The following COLGALT2 variants were observed in gnomAD, a reference collection of about 807,000 sequenced individuals.
The protein encoded by COLGALT2 is collagen beta(1-O)galactosyltransferase 2, also known as procollagen galactosyltransferase 2.
Under a neutral mutation model 73.4 loss-of-function variants are expected in COLGALT2, and 49 were observed. That is an observed-to-expected ratio of 0.67 (90% CI 0.53 to 0.85). The LOEUF (loss-of-function observed/expected upper bound fraction) is 0.85. Among genes scored for constraint, COLGALT2 ranks in the 40% least tolerant of loss-of-function variants. The pLI is 0.00. For missense variants in COLGALT2, 722 were observed against 790.2 expected, an observed-to-expected ratio of 0.91 and a Z score of 1.03; for synonymous variants, 295 against 307.6, an observed-to-expected ratio of 0.96 and a Z score of 0.43.
intron 1 of COLGALT2, among the ~76,000 whole-genome samples, chr1:184,029,188 C>T (rs1178305738): frequency 1.3e-5 from 2 of 152,216 alleles, no homozygotes; most frequent in Non-Finnish European, 2.9e-5. Context: ...ATTACAGCCA[C>T]TCTATTTATA....
chr1:183,936,249 T>C lies in COLGALT2; in HGVS notation c.*2512A>G, dbSNP rs897736693. ...GGTCAAATGTCTTGGCTTAGGACTA[T>C]AAGGGAGAGATAGGACAAATAATGA... is the stretch of plus-strand genomic sequence containing the variant. On this transcript the variant is annotated 3_prime_UTR_variant, in exon 12 of 12. Coordinates refer to ENST00000361927, the MANE Select transcript of COLGALT2 (RefSeq NM_015101.4). 1.0e-5 allele frequency: 10 copies of C among 985,552 alleles called. No homozygotes were observed. The highest frequency in any genetic ancestry group is 1.2e-5 in the Non-Finnish European group (10 of 829,940). 61.1% of individuals were successfully genotyped at this position (985,552 alleles called of 1,614,324 possible). A position where few individuals can be genotyped will look rare whatever the true frequency, so the allele number is the denominator to read the frequency against.
intron 1 of COLGALT2, among the ~76,000 whole-genome samples, chr1:183,981,500 A>C (rs1455713996): frequency 4.6e-5 from 7 of 151,628 alleles, no homozygotes; most frequent in African/African-American, 1.7e-4. Flanking sequence ...AAAAAAAAAA[A>C]AAAACATTAG....
intron 3 of COLGALT2, 87 bp downstream of exon 3, chr1:183,975,010 G>T: frequency 1.1e-6 from 1 of 906,504 alleles, no homozygotes; most frequent in South Asian, 1.7e-5. Flanking sequence ...AGGTTGTTTT[G>T]ATTGCTTCCA....
At chr1:183,957,395 T>C (rs1670582008) in intron 6 of COLGALT2, among the ~76,000 whole-genome samples, 1 of 152,134 alleles carries the variant, frequency 6.6e-6, no homozygotes, top group African/African-American at 2.4e-5. Context: ...TGGCCACTGG[T>C]ATTAGCCAAC....
chr1:183,944,387 A>C, intron 9 of COLGALT2, 64 bp from the exon 10 acceptor site: 1 of 1,539,828 alleles, frequency 6.5e-7, no homozygotes, highest in Non-Finnish European at 8.7e-7. Flanking sequence ...TTATTAGATA[A>C]ATAAGTATTA....
chr1:183,941,835 T>C (rs771296864), intron 10 of COLGALT2, among the ~76,000 whole-genome samples: 5 of 152,240 alleles, frequency 3.3e-5, no homozygotes, highest in Non-Finnish European at 5.9e-5. Context: ...ACTAGAGTGA[T>C]AGAGGTGCTG....
intron 6 of COLGALT2, among the ~76,000 whole-genome samples, chr1:183,956,970 G>C (rs1364072840): frequency 6.6e-6 from 1 of 152,024 alleles, no homozygotes; most frequent in East Asian, 1.9e-4. Context: ...AGTCATTTCT[G>C]ACTCCATCTT....
At chr1:184,030,680 C>T (rs563830471) in intron 1 of COLGALT2, among the ~76,000 whole-genome samples, 3 of 152,296 alleles carry the variant, frequency 2.0e-5, no homozygotes, top group African/African-American at 7.2e-5. Flanking sequence ...ACCTAAGAAG[C>T]ACATGCTTAT....
chr1:183,974,122 G>A (rs1384205231), intron 3 of COLGALT2, among the ~76,000 whole-genome samples: 2 of 152,146 alleles, frequency 1.3e-5, no homozygotes, highest in African/African-American at 4.8e-5. Context: ...AGGTACAGAT[G>A]GGCATGCCTA....
At chr1:183,976,975 G>A (rs571309824) in intron 2 of COLGALT2, among the ~76,000 whole-genome samples, 65 of 152,260 alleles carry the variant, frequency 4.3e-4, no homozygotes, top group Middle Eastern at 6.8e-3. Flanking sequence ...TAAAAGAAAC[G>A]TTCTGGATAA....
At chr1:184,010,559 AT>A (rs934044317) in intron 1 of COLGALT2, among the ~76,000 whole-genome samples, 1 of 152,120 alleles carries the variant, frequency 6.6e-6, no homozygotes, top group Non-Finnish European at 1.5e-5. Flanking sequence ...AAATGATGAG[AT>A]TTTTTTCCCC....
intron 1 of COLGALT2, among the ~76,000 whole-genome samples, chr1:183,990,654 C>T (rs967823263): frequency 1.3e-5 from 2 of 152,152 alleles, no homozygotes; most frequent in East Asian, 1.9e-4. Context: ...ATTGAGCAGA[C>T]ATTAAGGGAA....
chr1:183,930,425 ACT>A (rs1385397401), intron 11 of COLGALT2: 1 of 385,088 alleles, frequency 2.6e-6, no homozygotes, highest in Non-Finnish European at 5.1e-6. Flanking sequence ...ACAGGGTCTC[ACT>A]CTGTCACCCA....
chr1:183,986,324 G>A (rs1488771855), intron 1 of COLGALT2, among the ~76,000 whole-genome samples: 1 of 152,174 alleles, frequency 6.6e-6, no homozygotes, highest in African/African-American at 2.4e-5. Flanking sequence ...AATGAACTAA[G>A]AAATCAGAAA....
intron 11 of COLGALT2, among the ~76,000 whole-genome samples, chr1:183,939,831 G>C (rs1193331815): frequency 6.6e-6 from 1 of 152,180 alleles, no homozygotes; most frequent in Admixed American, 6.5e-5. Flanking sequence ...AATGAATTTA[G>C]GAATCATTCA....
intron 1 of COLGALT2, among the ~76,000 whole-genome samples, chr1:183,997,426 T>A (rs1171627904): frequency 6.6e-6 from 1 of 152,206 alleles, no homozygotes; most frequent in Non-Finnish European, 1.5e-5. Flanking sequence ...TAATCTCTAG[T>A]CTGAATTTTT....
intron 1 of COLGALT2, among the ~76,000 whole-genome samples, chr1:184,011,717 C>T (rs1173051454): frequency 1.3e-5 from 2 of 152,218 alleles, no homozygotes; most frequent in East Asian, 3.8e-4. Flanking sequence ...CAGTAGGCAG[C>T]TCTCTCGGCT....
chr1:183,972,915 G>T (rs765275480), intron 4 of COLGALT2, among the ~76,000 whole-genome samples: 18 of 152,252 alleles, frequency 1.2e-4, no homozygotes, highest in Admixed American at 7.8e-4. Flanking sequence ...TAGCCAGGAT[G>T]GTCTCAATCT....
rs2986575 is a variant in COLGALT2 at position 183,938,536 on chromosome 1, A to C, written c.*225T>G. The C allele has an allele frequency of 1.4e-6, 2 of 1,398,240 alleles. No individual in the cohort carries two copies. Among genetic ancestry groups the C allele is most frequent in the African/African-American group, 2.9e-5 (2 of 69,058 alleles). 86.6% of individuals were successfully genotyped at this position (1,398,240 alleles called of 1,614,324 possible). On this transcript the variant is annotated 3_prime_UTR_variant, in exon 12 of 12. Coordinates refer to ENST00000361927, the MANE Select transcript of COLGALT2 (RefSeq NM_015101.4). ...TTACAGTTTATCTTAACAGTTTCCA[A>C]AAAACCTGTCTTTCAGCCGTCTTGG...
Sources: allele counts gnomAD v4.1 joint callset (sites outside exome capture counted in the v4.1 genomes callset), GRCh38; gene constraint gnomAD v4.1.1; transcripts MANE v1.5; gene names NCBI Gene and HGNC (gene_info 2026-07-23, HGNC 2026-07-21).